Variants in ATP7A observed in about 807,000 individuals in gnomAD.
ATP7A encodes ATPase copper transporting alpha, also known as copper-transporting ATPase 1.
In ATP7A, 7 loss-of-function variants were observed where a neutral mutation model predicts 83.5. That is an observed-to-expected ratio of 0.08 (90% confidence interval 0.05 to 0.16). The LOEUF (loss-of-function observed/expected upper bound fraction) is 0.16, where lower values mean the gene tolerates loss of function less well. Ranked by LOEUF, ATP7A falls within the 10% of genes least tolerant of loss-of-function variation. The probability of loss-of-function intolerance (pLI) is 1.00; values close to 1 mark genes in which losing one functional copy is unlikely to be tolerated. For synonymous variants in ATP7A, 354 were observed against 395.2 expected, an observed-to-expected ratio of 0.90 and a Z score of 1.24; for missense variants, 940 against 1,120.8, an observed-to-expected ratio of 0.84 and a Z score of 2.30.
intron 5 of ATP7A, among the ~76,000 whole-genome samples, chrX:78,002,799 T>TACACACACACAC (rs781808445): frequency 5.3e-4 from 46 of 87,126 alleles, no homozygotes; most frequent in Non-Finnish European, 6.5e-4. Flanking sequence ...TATGTTCTTA[T>TACACACACACAC]ACACACACAC....
chrX:77,965,406 C>T (rs1557228578), intron 1 of ATP7A: 2 of 323,688 alleles, frequency 6.2e-6, no homozygotes, highest in South Asian at 5.4e-5. Flanking sequence ...CCAATAAGCA[C>T]ATGAAAAGAT....
At chrX:77,965,613 A>T (rs1389639092) in intron 1 of ATP7A, among the ~76,000 whole-genome samples, 1 of 111,763 alleles carries the variant, frequency 8.9e-6, no homozygotes, top group Non-Finnish European at 1.9e-5. Flanking sequence ...CAAACAATTA[A>T]ACATAGAGTT....
chrX:77,995,105 TAG>T (rs1469832606), intron 4 of ATP7A, among the ~76,000 whole-genome samples: 5 of 111,597 alleles, frequency 4.5e-5, no homozygotes, highest in Non-Finnish European at 9.4e-5. Context: ...TGCTAGAGAT[TAG>T]AGTTTAAGAT....
At chrX:77,918,456 T>A (rs782087461) in intron 1 of ATP7A, among the ~76,000 whole-genome samples, 2 of 111,239 alleles carry the variant, frequency 1.8e-5, no homozygotes, top group African/African-American at 6.6e-5. Flanking sequence ...CTCCTCCCAA[T>A]CTTTTATTAT....
intron 1 of ATP7A, among the ~76,000 whole-genome samples, chrX:77,928,276 C>T (rs191858303): frequency 4.5e-5 from 5 of 110,945 alleles, no homozygotes; most frequent in Non-Finnish European, 1.9e-5. Flanking sequence ...TATCATAGTT[C>T]GTTAACTCAA....
intron 1 of ATP7A, among the ~76,000 whole-genome samples, chrX:77,932,000 A>AC (rs782460048): frequency 1.0e-4 from 6 of 58,120 alleles, no homozygotes; most frequent in African/African-American, 2.1e-4. Context: ...CGGGGGGCTG[A>AC]CCCCCCCACC....
intron 1 of ATP7A, among the ~76,000 whole-genome samples, chrX:77,941,619 C>T (rs189112767): frequency 9.0e-6 from 1 of 111,080 alleles, no homozygotes; most frequent in East Asian, 2.8e-4. Context: ...TAGTATGATC[C>T]CATGTGTGTA....
intron 12 of ATP7A, among the ~76,000 whole-genome samples, chrX:78,017,768 T>A: frequency 1.4e-5 from 1 of 71,444 alleles, no homozygotes; most frequent in South Asian, 7.9e-4. Flanking sequence ...CTTGTTTCTT[T>A]TTTTTTTTTT....
At chrX:78,037,247 G>A (rs2078019218) in intron 17 of ATP7A, among the ~76,000 whole-genome samples, 1 of 112,058 alleles carries the variant, frequency 8.9e-6, no homozygotes, top group Admixed American at 9.5e-5. Context: ...AGATGGATTT[G>A]GGAGTCCTCT....
At chrX:77,968,925 C>G (rs782413188) in intron 1 of ATP7A, 1 of 1,210,435 alleles carries the variant, frequency 8.3e-7, no homozygotes, top group Non-Finnish European at 1.1e-6. Context: ...CTTTGCACAC[C>G]GTCTCTTCAT....
intron 4 of ATP7A, among the ~76,000 whole-genome samples, chrX:77,991,312 A>G (rs2077668080): frequency 8.9e-6 from 1 of 112,425 alleles, no homozygotes; most frequent in African/African-American, 3.2e-5. Flanking sequence ...AAGTGGAATC[A>G]TACAACATTT....
chrX:77,959,100 CT>C (rs1330021033), intron 1 of ATP7A, among the ~76,000 whole-genome samples: 2 of 110,753 alleles, frequency 1.8e-5, no homozygotes, highest in Admixed American at 9.6e-5. Context: ...TGCTTTATAG[CT>C]TTTAGTGTAG....
intron 1 of ATP7A, among the ~76,000 whole-genome samples, chrX:77,942,062 C>G (rs1342522420): frequency 1.8e-5 from 2 of 111,968 alleles, no homozygotes; most frequent in African/African-American, 6.5e-5. Context: ...TATTTTTAGG[C>G]AGATTGAGAT....
Position 77,948,492 on chromosome X carries a change from T to C in ATP7A, c.-21-23129T>C, listed in dbSNP as rs184414373. Among the ~76,000 whole-genome samples the C allele has an allele frequency of 2.2e-4, 25 of 112,447 alleles. No individual in the cohort carries two copies. The East Asian group carries it at 6.7e-3, about 30-fold the overall frequency. On this transcript the variant is annotated intron_variant, in intron 1 of 22. Coordinates refer to ENST00000341514, the MANE Select transcript of ATP7A (RefSeq NM_000052.7). ...GTCATTTTGCTATAGCCCATACATA[T>C]TTTGAGAGAAAAGACAAATGTTGTA...
intron 22 of ATP7A, 62 bp downstream of exon 22, chrX:78,045,634 G>T (rs1454086316): frequency 2.7e-5 from 27 of 1,007,247 alleles, no homozygotes; most frequent in Non-Finnish European, 3.8e-5. Context: ...AGTCATTCTT[G>T]GTAGGTTTTA....
Position 78,047,353 on chromosome X carries a change from T to G in ATP7A, c.*783T>G, listed in dbSNP as rs1312963065. The G allele has an allele frequency of 8.9e-6, 1 of 111,907 alleles. No homozygotes were observed. Among genetic ancestry groups the G allele is most frequent in the Non-Finnish European group, 1.9e-5 (1 of 53,202 alleles). 9.2% of individuals were successfully genotyped at this position (111,907 alleles called of 1,213,427 possible). ...CCACTGTTGTAAAAAGTATATCAAA[T>G]TATTCCTTCAAGTTTCCTAGCTCTG... On this transcript the variant is annotated 3_prime_UTR_variant, in exon 23 of 23. Transcript: ENST00000341514.
chrX:77,954,472 T>C (rs1314620177), intron 1 of ATP7A, among the ~76,000 whole-genome samples: 1 of 112,231 alleles, frequency 8.9e-6, no homozygotes, highest in Non-Finnish European at 1.9e-5. Flanking sequence ...AGTTGTTTCA[T>C]CTGGAATCTT....
chrX:77,990,502 A>C (rs1370741137), intron 4 of ATP7A, among the ~76,000 whole-genome samples: 1 of 111,677 alleles, frequency 9.0e-6, no homozygotes, highest in Admixed American at 9.6e-5. Context: ...GAATGTATGT[A>C]TGTAGCTATG....
intron 1 of ATP7A, among the ~76,000 whole-genome samples, chrX:77,943,601 TA>T (rs1402286879): frequency 8.9e-6 from 1 of 111,768 alleles, no homozygotes; most frequent in Non-Finnish European, 1.9e-5. Context: ...AATAAGAAAT[TA>T]AAAAAATAAA....
Sources: allele counts gnomAD v4.1 joint callset (sites outside exome capture counted in the v4.1 genomes callset), GRCh38; gene constraint gnomAD v4.1.1; transcripts MANE v1.5; gene names NCBI Gene and HGNC (gene_info 2026-07-23, HGNC 2026-07-21).